RBFOX1: variants seen among roughly 807,000 people sequenced by gnomAD.
RBFOX1 encodes the protein RNA binding protein fox-1 homolog 1.
RBFOX1 carries 8 observed loss-of-function variants against 57.7 expected under a neutral mutation model. The observed-to-expected ratio is 0.14, with a 90% CI of 0.08 to 0.25. The LOEUF is 0.25. Among genes scored for constraint, RBFOX1 ranks in the 10% least tolerant of loss-of-function variants. The pLI is 1.00. For synonymous variants in RBFOX1, 326 were observed against 222.4 expected (o/e 1.47, Z -4.15); for missense variants, 611 against 548.5 (o/e 1.11, Z -1.14).
chr16:7,273,202 C>CT lies in RBFOX1; in HGVS notation c.27+221105dup, dbSNP rs1424411491. Among the ~76,000 whole-genome samples the CT allele has an allele frequency of 1.5e-3, 148 of 98,278 alleles. 4 individuals are homozygous for CT. Among genetic ancestry groups the CT allele is most frequent in the Non-Finnish European group, 1.1e-3 (54 of 49,878 alleles). The allele number at this position is 98,278 out of a possible 152,430, so 64.5% of individuals were successfully genotyped here. A position where few individuals can be genotyped will look rare whatever the true frequency, so the allele number is the denominator to read the frequency against. On this transcript the variant is annotated intron_variant, in intron 4 of 15. Coordinates refer to ENST00000550418, the MANE Select transcript of RBFOX1 (RefSeq NM_018723.4). ...CCTTCCTTCCTCCCTTCCTTCCTCC[C>CT]TCCCTTCCTTCCTTCCTTCCTTCCT...
At chr16:7,475,020 C>G (rs1289416542) in intron 4 of RBFOX1, among the ~76,000 whole-genome samples, 4 of 152,180 alleles carry the variant, frequency 2.6e-5, no homozygotes, top group African/African-American at 9.7e-5. Context: ...TCCACACAAT[C>G]CAGCTGTTGA....
At chr16:7,671,626 C>G (rs748258266) in intron 13 of RBFOX1, 5 of 1,596,110 alleles carry the variant, frequency 3.1e-6, no homozygotes, top group Non-Finnish European at 4.3e-6. Context: ...GGTGGAGAAA[C>G]TCATCACTAT....
chr16:7,266,137 G>A lies in RBFOX1; in HGVS notation c.27+214039G>A, dbSNP rs150659281. Among the ~76,000 whole-genome samples, 773 of 151,934 alleles carry A rather than the reference G, an allele frequency of 5.1e-3. 4 individuals are homozygous for A. The highest frequency in any genetic ancestry group is 0.018 in the African/African-American group (738 of 41,444). ...CTACAGGCGCTCGCCAATACACCTG[G>A]CTAATTTTTTATATTTTTTAGTACA... On this transcript the variant is annotated intron_variant, in intron 4 of 15. Transcript: ENST00000550418.
chr16:5,286,284 C>G (rs1186264443), intron 1 of RBFOX1, among the ~76,000 whole-genome samples: 2 of 152,130 alleles, frequency 1.3e-5, no homozygotes, highest in Admixed American at 1.3e-4. Context: ...AGTGGCAGTA[C>G]TGGGCCAGGT....
At chr16:7,091,762 C>G (rs1051853787) in intron 4 of RBFOX1, among the ~76,000 whole-genome samples, 2 of 152,294 alleles carry the variant, frequency 1.3e-5, no homozygotes, top group Middle Eastern at 6.8e-3. Flanking sequence ...TTCCTGAATG[C>G]TAAAGCTTTT....
At chr16:7,372,405 T>A (rs2097584237) in intron 4 of RBFOX1, among the ~76,000 whole-genome samples, 1 of 152,202 alleles carries the variant, frequency 6.6e-6, no homozygotes, top group African/African-American at 2.4e-5. Context: ...AGGATTTTGC[T>A]TGAAGTTCTC....
chr16:5,772,051 A>G (rs1186387773), intron 3 of RBFOX1, among the ~76,000 whole-genome samples: 1 of 152,148 alleles, frequency 6.6e-6, no homozygotes, highest in Non-Finnish European at 1.5e-5. Flanking sequence ...ACATGCCTGT[A>G]ATCCCAGCTA....
chr16:6,729,281 G>A (rs150219592), intron 3 of RBFOX1, among the ~76,000 whole-genome samples: 5 of 152,122 alleles, frequency 3.3e-5, no homozygotes, highest in Non-Finnish European at 7.4e-5. Context: ...GGGACCTGAC[G>A]ATCAAGATTT....
chr16:5,883,049 G>C (rs2057802530), intron 4 of RBFOX1, among the ~76,000 whole-genome samples: 1 of 152,132 alleles, frequency 6.6e-6, no homozygotes, highest in African/African-American at 2.4e-5. Context: ...CCTGCTCAAA[G>C]CCTGTACAAG....
chr16:7,434,163 A>G (rs965949043), intron 4 of RBFOX1, among the ~76,000 whole-genome samples: 1 of 151,900 alleles, frequency 6.6e-6, no homozygotes, highest in African/African-American at 2.4e-5. Context: ...GATGACAGAC[A>G]TGTGGTGGTA....
At chr16:7,657,107 T>A (rs2066499983) in intron 12 of RBFOX1, among the ~76,000 whole-genome samples, 1 of 152,282 alleles carries the variant, frequency 6.6e-6, no homozygotes, top group South Asian at 2.1e-4. Flanking sequence ...ATATTGTTAC[T>A]AAAATACCAG....
chr16:7,286,016 C>G lies in RBFOX1; in HGVS notation c.28-232131C>G, dbSNP rs117974514. 4.2e-3 allele frequency among the ~76,000 whole-genome samples: 642 copies of G among 152,200 alleles called. 11 individuals carry two copies. The South Asian group carries it at 0.043, about 10-fold the overall frequency. ...AGTAGACTGAGTTTTGTTTGTTTGT[C>G]TGCTTGTTTGTATCTTTAATCAGCA... On this transcript the variant is annotated intron_variant, in intron 4 of 15. Coordinates refer to ENST00000550418, the MANE Select transcript of RBFOX1 (RefSeq NM_018723.4).
intron 7 of RBFOX1, among the ~76,000 whole-genome samples, chr16:7,591,677 C>G (rs183883076): frequency 2.0e-5 from 3 of 152,110 alleles, no homozygotes; most frequent in Non-Finnish European, 2.9e-5. Flanking sequence ...GTCTCTGACT[C>G]CCCTTCTCTG....
intron 3 of RBFOX1, among the ~76,000 whole-genome samples, chr16:5,731,024 C>T (rs376342886): frequency 5.4e-5 from 8 of 148,418 alleles, no homozygotes; most frequent in South Asian, 2.1e-4. Context: ...CCAATGTAAC[C>T]GTCATCACCA....
chr16:6,857,657 A>G (rs553569116), intron 3 of RBFOX1, among the ~76,000 whole-genome samples: 1 of 152,196 alleles, frequency 6.6e-6, no homozygotes, highest in African/African-American at 2.4e-5. Flanking sequence ...CTAAGGCTAC[A>G]TGGAAACTTA....
At chr16:5,309,898 C>T (rs2064037741) in intron 1 of RBFOX1, among the ~76,000 whole-genome samples, 2 of 152,150 alleles carry the variant, frequency 1.3e-5, no homozygotes, top group Non-Finnish European at 2.9e-5. Context: ...TTCCTTGGGT[C>T]ATTTTCAAAT....
In RBFOX1 at chr16:7,494,670, G is replaced by A. The variant is rs550786272; in HGVS notation, c.28-23477G>A. Among the ~76,000 whole-genome samples the A allele has an allele frequency of 1.6e-4, 24 of 152,198 alleles. No homozygotes were observed. In the South Asian group the frequency reaches 5.0e-3, roughly 32 times the overall value. ...CAGAGAGGAGCCAACACTCAAAAAGGTCATGATACTTACTCAAAGCCATAT... is the reference window on the plus strand; with the variant it reads ...CAGAGAGGAGCCAACACTCAAAAAGATCATGATACTTACTCAAAGCCATAT... On this transcript the variant is annotated intron_variant, in intron 4 of 15. Coordinates refer to ENST00000550418, the MANE Select transcript of RBFOX1 (RefSeq NM_018723.4).
At chr16:6,105,738 T>G (rs2152564835) in intron 1 of RBFOX1, among the ~76,000 whole-genome samples, 1 of 152,166 alleles carries the variant, frequency 6.6e-6, no homozygotes, top group African/African-American at 2.4e-5. Context: ...TCTAGAATAG[T>G]TAATAACATC....
chr16:6,977,237 T>C (rs1303004131), intron 3 of RBFOX1, among the ~76,000 whole-genome samples: 1 of 149,564 alleles, frequency 6.7e-6, no homozygotes, highest in Non-Finnish European at 1.5e-5. Flanking sequence ...CATATATGAT[T>C]TAAAAAGATC....
Sources: gnomAD v4.1 joint callset for allele counts (sites outside exome capture counted in the v4.1 genomes callset) on GRCh38, gnomAD v4.1.1 for gene constraint, MANE v1.5 for transcripts, NCBI Gene and HGNC (gene_info 2026-07-23, HGNC 2026-07-21) for gene names.